Variants in PGAM2 observed in about 807,000 individuals in gnomAD.
PGAM2 encodes BPG-dependent PGAM 2.
Under a neutral mutation model 22.5 loss-of-function variants are expected in PGAM2, and 23 were observed. The observed-to-expected ratio is 1.02, with a 90% CI of 0.74 to 1.45. The LOEUF is 1.45. Among genes scored for constraint, PGAM2 ranks in the 40% most tolerant of loss-of-function variants. PGAM2 has a pLI of 0.00. For missense variants in PGAM2, 349 were observed against 356.2 expected (o/e 0.98, Z 0.16); for synonymous variants, 133 against 138.6 (o/e 0.96, Z 0.29).
chr7:44,063,148 A>C, intron 2 of PGAM2: 1 of 589,964 alleles, frequency 1.7e-6, no homozygotes, highest in Non-Finnish European at 3.1e-6. Flanking sequence ...AAAAATGGGG[A>C]CTTCAGCCCC....
chr7:44,065,553 A>G lies in PGAM2; in HGVS notation c.-24T>C, dbSNP rs746343182. The G allele has an allele frequency of 3.1e-6, 5 of 1,611,044 alleles. No individual in the cohort carries two copies. In the Admixed American group the frequency reaches 8.3e-5, roughly 27 times the overall value. On this transcript the variant is annotated 5_prime_UTR_variant, in exon 1 of 3. Transcript: ENST00000297283. The stretch of plus-strand genomic sequence containing the variant: ...ATGGTGGCAGCAGGGACCACAGAGG[A>G]CTCTGGACGGGGACGGCTGCTTCCC...
In PGAM2 at chr7:44,065,165, G is replaced by A. The variant is rs147273213; in HGVS notation, c.365C>T (p.Pro122Leu). Residue 122 changes from proline to leucine, a missense_variant, in exon 1 of 3, where the codon CCG becomes CTG. Coordinates refer to ENST00000297283, the MANE Select transcript of PGAM2 (RefSeq NM_000290.4). ...VKIWRRSFDI[P>L]PPPMDEKHPY... ...GTGCTTCTCGTCCATCGGGGGCGGC[G>A]GGATGTCGAAGGAGCGCCTCCAGAT... 2.9e-5 allele frequency: 46 copies of A among 1,613,950 alleles called. No individual in the cohort carries two copies. Among genetic ancestry groups the A allele is most frequent in the Admixed American group, 1.3e-4 (8 of 60,022 alleles).
At position 44,065,424 on chromosome 7, in the gene PGAM2, C is replaced by T. The variant is rs1044665276; in HGVS notation, c.106G>A (p.Glu36Lys). Reference sequence around the variant, plus strand: ...GCCTTGGCTCCCCGCTTGGCCTCCTCGGTCCCCTTTTCACTCAGCTCTGCA... The same window carrying T: ...GCCTTGGCTCCCCGCTTGGCCTCCTTGGTCCCCTTTTCACTCAGCTCTGCA... ...FDAELSEKGT[E>K]EAKRGAKAIK... is the part of the protein sequence containing the mutation. The change falls in exon 1 of 3, where the codon GAG becomes AAG. Residue 36 changes from glutamate to lysine, a missense_variant. Transcript: ENST00000297283. 1.3e-5 allele frequency: 21 copies of T among 1,614,020 alleles called. No individual in the cohort carries two copies. Among genetic ancestry groups the T allele is most frequent in the Admixed American group, 1.0e-4 (6 of 60,014 alleles).
chr7:44,064,855 C>A lies in PGAM2; in HGVS notation c.572G>T (p.Arg191Leu). 1 of 1,609,778 alleles carries A rather than the reference C, an allele frequency of 6.2e-7. No individual in the cohort carries two copies. The change falls in exon 2 of 3, where the codon CGG becomes CTG. Residue 191 changes from arginine (R) to leucine (L), a missense_variant. Arg to Leu is a moderately radical substitution (Grantham distance 102, BLOSUM62 -2). Transcript: ENST00000297283. ...ACCTTCCAGGTGCTTGACAATGCCC[C>A]GCAGGCTGTTCCCGTGGGCTGCAAT... is the stretch of plus-strand genomic sequence containing the variant. The part of the protein sequence containing the change: ...VLIAAHGNSL[R>L]GIVKHLEGMS...
chr7:44,064,814 T>C lies in PGAM2; in HGVS notation c.595+18A>G, dbSNP rs2096156073. On this transcript the variant is annotated intron_variant, in intron 2 of 2. Transcript: ENST00000297283. ...TGCTGCCCACCCACCCTGCCCAGGC[T>C]CCTGAAGGTGGCCTCACCTTCCAGG... The C allele has an allele frequency of 2.0e-5, 15 of 759,464 alleles. No homozygotes were observed. The highest frequency in any genetic ancestry group is 2.7e-5 in the Non-Finnish European group (13 of 473,152). 47.0% of individuals were successfully genotyped at this position (759,464 alleles called of 1,614,324 possible). A position where few individuals can be genotyped will look rare whatever the true frequency, so the allele number is the denominator to read the frequency against.
Position 44,062,909 on chromosome 7 carries a change from AT to A in PGAM2, c.616del (p.Met206TrpfsTer3). 3 of 1,614,188 alleles carry A rather than the reference AT, an allele frequency of 1.9e-6. No homozygotes were observed. The highest frequency in any genetic ancestry group is 2.5e-6 in the Non-Finnish European group (3 of 1,180,032). On this transcript the variant is annotated frameshift_variant, in exon 3 of 3. Coordinates refer to ENST00000297283, the MANE Select transcript of PGAM2 (RefSeq NM_000290.4). LOFTEE classifies it high-confidence loss of function. Reference sequence around the variant, plus strand: ...GATCCCCGTGGGCAGGTTCAGCTCCATGATCGCCTGGTCTGACATCCCTATG... The same window carrying A: ...GATCCCCGTGGGCAGGTTCAGCTCCAGATCGCCTGGTCTGACATCCCTATG... Reference protein sequence around the residue: ...HLEGMSDQAIMELNLPTGIPI... With the variant: ...HLEGMSDQAIXELNLPTGIPI...
chr7:44,065,354 A>G lies in PGAM2; in HGVS notation c.176T>C (p.Val59Ala). Residue 59 changes from valine (V) to alanine (A), a missense_variant, in exon 1 of 3, where the codon GTG (valine) becomes GCG (alanine). Physicochemically the swap from Val to Ala is moderately conservative, Grantham distance 64. Transcript: ENST00000297283. ...KMEFDICYTS[V>A]LKRAIRTLWA... ...GAGGGTGCGGATGGCCCGCTTCAGC[A>G]CTGACGTGTAGCAGATGTCAAACTC... 1 of 1,613,872 alleles carries G rather than the reference A, an allele frequency of 6.2e-7. No individual in the cohort carries two copies. Among genetic ancestry groups the G allele is most frequent in the African/African-American group, 1.3e-5 (1 of 75,058 alleles).
chr7:44,064,794 C>CCCCCCCCCCCGCCCCCGCG, intron 2 of PGAM2, 38 bp downstream of exon 2: 2 of 526,670 alleles, frequency 3.8e-6, no homozygotes, highest in Non-Finnish European at 7.3e-6. Context: ...GGGGCTGCTG[C>CCCCCCCCCCCGCCCCCGCG]CCACCCACCC....
At chr7:44,064,340 T>C in intron 2 of PGAM2, 1 of 200,370 alleles carries the variant, frequency 5.0e-6, no homozygotes, top group South Asian at 8.4e-5. Flanking sequence ...GGGAGATAGG[T>C]GGTGAAGCTC....
intron 1 of PGAM2, 28 bp from the exon 2 acceptor site, chr7:44,065,040 C>T (rs778175348): frequency 4.4e-6 from 7 of 1,607,838 alleles, no homozygotes; most frequent in Non-Finnish European, 5.9e-6. Context: ...GCTGCTTTCC[C>T]TCCCAAGCCA....
In PGAM2 at chr7:44,065,249, C is replaced by T. The variant is rs1438105988; in HGVS notation, c.281G>A (p.Gly94Asp). The change falls in exon 1 of 3, where the codon GGC (glycine) becomes GAC (aspartate). Residue 94 changes from glycine (G) to aspartate (D), a missense_variant. Gly to Asp is a moderately conservative substitution (Grantham distance 94). Coordinates refer to ENST00000297283, the MANE Select transcript of PGAM2 (RefSeq NM_000290.4). ...TTCTGCCTTGTTGAGGCCTGTGAGG[C>T]CCCCGTAATGCCGCTCATTGAGGCG... ...TWRLNERHYG[G>D]LTGLNKAETA... 6.9e-5 allele frequency: 111 copies of T among 1,613,700 alleles called. No individual in the cohort carries two copies. Among genetic ancestry groups the T allele is most frequent in the Non-Finnish European group, 8.7e-5 (103 of 1,180,054 alleles).
chr7:44,062,984 C>T, intron 2 of PGAM2, 54 bp from the exon 3 acceptor site: 2 of 1,577,368 alleles, frequency 1.3e-6, no homozygotes, highest in African/African-American at 1.3e-5. Flanking sequence ...CCTGTTTACA[C>T]AGCAGACACT....
chr7:44,064,794 C>CCCCCCCCCCCCCCCCCCGCCCCCGGG, intron 2 of PGAM2, 38 bp downstream of exon 2: 1 of 526,670 alleles, frequency 1.9e-6, no homozygotes, highest in Non-Finnish European at 3.6e-6. Flanking sequence ...GGGGCTGCTG[C>CCCCCCCCCCCCCCCCCCGCCCCCGGG]CCACCCACCC....
At chr7:44,064,788 C>A in intron 2 of PGAM2, 44 bp downstream of exon 2, 1 of 1,465,392 alleles carries the variant, frequency 6.8e-7, no homozygotes, top group Non-Finnish European at 9.3e-7. Flanking sequence ...CCAGCTGGGG[C>A]TGCTGCCCAC....
chr7:44,063,203 C>A, intron 2 of PGAM2: 1 of 508,706 alleles, frequency 2.0e-6, no homozygotes, highest in South Asian at 2.0e-5. Context: ...ATAGTTCCCT[C>A]AGCCCAGTGT....
In PGAM2 at chr7:44,065,261, C is replaced by G. The variant is rs764804190; in HGVS notation, c.269G>C (p.Arg90Pro). 6.2e-7 allele frequency: 1 copy of G among 1,613,726 alleles called. No homozygotes were observed. Among genetic ancestry groups the G allele is most frequent in the African/African-American group, 1.3e-5 (1 of 74,942 alleles). ...GAGGCCTGTGAGGCCCCCGTAATGC[C>G]GCTCATTGAGGCGCCAAGTGCGCAC... ...PVVRTWRLNE[R>P]HYGGLTGLNK... The change falls in exon 1 of 3, where the codon CGG (arginine) becomes CCG (proline). Residue 90 changes from arginine (R) to proline (P), a missense_variant. Transcript: ENST00000297283.
rs751413141 is a variant in PGAM2 at position 44,065,377 on chromosome 7, C to T, written c.153G>A (p.Glu51=). The change falls in exon 1 of 3, where the codon GAG becomes GAA. Residue 51 remains glutamate (E), a synonymous_variant. Transcript: ENST00000297283. ...GCACTGACGTGTAGCAGATGTCAAA[C>T]TCCATCTTGGCATCCTTGATGGCCT... ...GAKAIKDAKM[E]FDICYTSVLK... 1 of 1,614,066 alleles carries T rather than the reference C, an allele frequency of 6.2e-7. No homozygotes were observed. Among genetic ancestry groups the T allele is most frequent in the Admixed American group, 1.7e-5 (1 of 60,030 alleles).
At position 44,065,195 on chromosome 7, in the gene PGAM2, AC is replaced by A; in HGVS notation, c.334del (p.Val112Ter). The A allele has an allele frequency of 6.2e-7, 1 of 1,613,988 alleles. No individual in the cohort carries two copies. ...ETAAKHGEEQ[V>X]KIWRRSFDIP... ...GTCGAAGGAGCGCCTCCAGATCTTC[AC>A]CTGCTCCTCCCCGTGCTTGGCGGCC... On this transcript the variant is annotated frameshift_variant, in exon 1 of 3. Coordinates refer to ENST00000297283, the MANE Select transcript of PGAM2 (RefSeq NM_000290.4). LOFTEE classifies it high-confidence loss of function.
At position 44,065,190 on chromosome 7, in the gene PGAM2, T is replaced by C; in HGVS notation, c.340A>G (p.Ile114Val). ...AAKHGEEQVK[I>V]WRRSFDIPPP... is the part of the protein sequence containing the mutation. ...GGGATGTCGAAGGAGCGCCTCCAGATCTTCACCTGCTCCTCCCCGTGCTTG... is the reference window on the plus strand; with the variant it reads ...GGGATGTCGAAGGAGCGCCTCCAGACCTTCACCTGCTCCTCCCCGTGCTTG... The change falls in exon 1 of 3, where the codon ATC becomes GTC. Residue 114 changes from isoleucine to valine, a missense_variant. By Grantham distance (29) the Ile-to-Val change is conservative. Transcript: ENST00000297283. The C allele has an allele frequency of 6.2e-7, 1 of 1,614,080 alleles. No individual in the cohort carries two copies. Among genetic ancestry groups the C allele is most frequent in the South Asian group, 1.1e-5 (1 of 91,080 alleles).
Sources: allele counts gnomAD v4.1 joint callset, GRCh38; gene constraint gnomAD v4.1.1; transcripts MANE v1.5; gene names NCBI Gene and HGNC (gene_info 2026-07-23, HGNC 2026-07-21).